Variants in PCDH15 observed in about 807,000 individuals in gnomAD.
PCDH15 encodes protocadherin related 15, also known as protocadherin-15.
Under a neutral mutation model 178.5 loss-of-function variants are expected in PCDH15, and 129 were observed. The ratio of observed to expected loss-of-function variants is 0.72; its 90% CI spans 0.63 to 0.84. The LOEUF (loss-of-function observed/expected upper bound fraction) is 0.84. PCDH15 is among the 40% of genes least tolerant of loss of function. PCDH15 has a pLI of 0.00. For synonymous variants in PCDH15, 800 were observed against 732.0 expected, an observed-to-expected ratio of 1.09 and a Z score of -1.50; for missense variants, 2,230 against 2,099.9, an observed-to-expected ratio of 1.06 and a Z score of -1.21.
intron 3 of PCDH15, among the ~76,000 whole-genome samples, chr10:54,401,420 A>C (rs1343107481): frequency 1.3e-5 from 2 of 151,914 alleles, no homozygotes; most frequent in African/African-American, 4.8e-5. Flanking sequence ...TATAACTGTA[A>C]ATCTATAAAT....
At chr10:55,083,034 C>T (rs952363086) in intron 2 of PCDH15, among the ~76,000 whole-genome samples, 3 of 151,738 alleles carry the variant, frequency 2.0e-5, no homozygotes, top group African/African-American at 7.3e-5. Context: ...AGAATACTTC[C>T]AAGCTCATTA....
At chr10:54,044,986 G>A (rs372238245) in intron 18 of PCDH15, among the ~76,000 whole-genome samples, 4 of 152,090 alleles carry the variant, frequency 2.6e-5, no homozygotes, top group East Asian at 3.9e-4. Context: ...GCAATCATAT[G>A]CATAGGACCA....
chr10:54,790,335 T>C (rs912837389), intron 1 of PCDH15, among the ~76,000 whole-genome samples: 3 of 151,242 alleles, frequency 2.0e-5, no homozygotes, highest in Non-Finnish European at 2.9e-5. Context: ...CATATGTATA[T>C]ATTTACATAT....
At chr10:55,220,308 T>C (rs533561744) in intron 1 of PCDH15, among the ~76,000 whole-genome samples, 1 of 152,160 alleles carries the variant, frequency 6.6e-6, no homozygotes, top group Admixed American at 6.5e-5. Context: ...AGTCTCGCTC[T>C]TTTTTTAAAA....
chr10:55,576,833 G>T (rs1842506125), intron 2 of PCDH15, among the ~76,000 whole-genome samples: 1 of 152,046 alleles, frequency 6.6e-6, no homozygotes, highest in Non-Finnish European at 1.5e-5. Context: ...TGAGTTATTT[G>T]CATCTCATCT....
intron 2 of PCDH15, among the ~76,000 whole-genome samples, chr10:54,638,924 G>C (rs766745773): frequency 6.6e-6 from 1 of 151,954 alleles, no homozygotes; most frequent in Non-Finnish European, 1.5e-5. Flanking sequence ...TATTCTAAGT[G>C]AAGTAAGTCA....
intron 2 of PCDH15, among the ~76,000 whole-genome samples, chr10:54,619,862 C>T (rs972550806): frequency 2.6e-5 from 4 of 151,996 alleles, no homozygotes; most frequent in Admixed American, 2.6e-4. Flanking sequence ...AGTAGGTTCA[C>T]TGATTGTGTT....
intron 1 of PCDH15, among the ~76,000 whole-genome samples, chr10:54,701,840 C>A (rs1398612609): frequency 6.6e-6 from 1 of 152,006 alleles, no homozygotes; most frequent in Non-Finnish European, 1.5e-5. Flanking sequence ...ACTTAGATAA[C>A]CACACACCAG....
chr10:54,866,793 G>A (rs10825411), intron 3 of PCDH15, among the ~76,000 whole-genome samples: 34,471 of 151,970 alleles, frequency 0.23, 4,164 homozygotes, highest in African/African-American at 0.29. Context: ...GTAGGTTGGT[G>A]GTATGAAATT....
chr10:54,476,597 A>T (rs2078289861), intron 3 of PCDH15, among the ~76,000 whole-genome samples: 1 of 152,122 alleles, frequency 6.6e-6, no homozygotes, highest in Non-Finnish European at 1.5e-5. Context: ...TAATCCAAAG[A>T]AGTTTTGAAA....
rs1449010800 is a variant in PCDH15, at chr10:54,417,617, A to T, written c.158-38675T>A. On this transcript the variant is annotated intron_variant, in intron 3 of 37. Transcript: ENST00000644397. The stretch of plus-strand genomic sequence containing the variant: ...TGATGTAATAAAATTATTTCACCCG[A>T]TTATTAATCAAATATAGAATGGGAG... Among the ~76,000 whole-genome samples the T allele has an allele frequency of 2.0e-5, 3 of 152,154 alleles. No homozygotes were observed. In the East Asian group the frequency reaches 5.8e-4, roughly 29 times the overall value.
intron 1 of PCDH15, among the ~76,000 whole-genome samples, chr10:54,759,538 C>G (rs1174187613): frequency 6.6e-6 from 1 of 152,122 alleles, no homozygotes; most frequent in Non-Finnish European, 1.5e-5. Context: ...AGTTCAGTTC[C>G]TTAGGCATAT....
chr10:53,878,426 A>ATG (rs2080431182), intron 26 of PCDH15, among the ~76,000 whole-genome samples: 2 of 78,830 alleles, frequency 2.5e-5, no homozygotes. Flanking sequence ...CACGTTGAAT[A>ATG]TATATATATA....
chr10:54,133,439 T>C (rs1389910248), intron 14 of PCDH15, among the ~76,000 whole-genome samples: 1 of 152,160 alleles, frequency 6.6e-6, no homozygotes, highest in African/African-American at 2.4e-5. Flanking sequence ...AAACAAATTA[T>C]GGGCTGCGTT....
chr10:54,282,400 C>A (rs1191772162), intron 8 of PCDH15, among the ~76,000 whole-genome samples: 1 of 152,020 alleles, frequency 6.6e-6, no homozygotes, highest in African/African-American at 2.4e-5. Flanking sequence ...AGTGTTAGGA[C>A]TTTACAACAG....
intron 8 of PCDH15, among the ~76,000 whole-genome samples, chr10:54,296,176 G>T (rs1210540113): frequency 3.7e-5 from 5 of 136,226 alleles, no homozygotes; most frequent in African/African-American, 1.4e-4. Context: ...AAAAGTGGTT[G>T]GCACGGCCAC....
At chr10:54,242,133 TA>T (rs2055401202) in intron 8 of PCDH15, among the ~76,000 whole-genome samples, 1 of 3,090 alleles carries the variant, frequency 3.2e-4, no homozygotes, top group East Asian at 0.011. Context: ...TCTATTTTTA[TA>T]TATATATATA....
intron 2 of PCDH15, among the ~76,000 whole-genome samples, chr10:55,496,166 G>A (rs1049455850): frequency 6.6e-6 from 1 of 151,666 alleles, no homozygotes; most frequent in Non-Finnish European, 1.5e-5. Context: ...TGGGTGAATT[G>A]TATATGAGTT....
chr10:54,536,620 GT>G (rs953828428), intron 2 of PCDH15, among the ~76,000 whole-genome samples: 32 of 152,246 alleles, frequency 2.1e-4, no homozygotes, highest in Admixed American at 2.0e-3. Context: ...CTCAATAGTT[GT>G]TTTTTAAATA....
Sources: gnomAD v4.1 joint callset for allele counts (sites outside exome capture counted in the v4.1 genomes callset) on GRCh38, gnomAD v4.1.1 for gene constraint, MANE v1.5 for transcripts, NCBI Gene and HGNC (gene_info 2026-07-23, HGNC 2026-07-21) for gene names.